Variants in EXOC4 observed in about 807,000 individuals in gnomAD.
The protein encoded by EXOC4 is exocyst complex component 4, also known as SEC8-like 1.
A neutral mutation model predicts 107.2 loss-of-function variants in EXOC4; 71 were observed. The ratio of observed to expected loss-of-function variants is 0.66; its 90% CI spans 0.55 to 0.81. The LOEUF is 0.81. Ranked by LOEUF, EXOC4 falls within the 30% of genes least tolerant of loss-of-function variation. The pLI, the probability that EXOC4 is intolerant of heterozygous loss-of-function variation, is 0.00. For synonymous variants in EXOC4, 456 were observed against 441.2 expected (o/e 1.03, Z -0.42); for missense variants, 1,108 against 1,189.6 (o/e 0.93, Z 1.01).
chr7:133,329,639 ATTTC>A (rs372485452), intron 5 of EXOC4, among the ~76,000 whole-genome samples: 106 of 152,084 alleles, frequency 7.0e-4, no homozygotes, highest in Middle Eastern at 3.4e-3. Context: ...TGTTGATACT[ATTTC>A]TTTCTATGTG....
chr7:133,538,827 T>C (rs111800686), intron 9 of EXOC4, among the ~76,000 whole-genome samples: 2 of 133,406 alleles, frequency 1.5e-5, no homozygotes, highest in Admixed American at 8.4e-5. Context: ...CAAGACCCTG[T>C]GTCTTGAAAG....
At chr7:133,857,187 T>A (rs1278881884) in intron 11 of EXOC4, among the ~76,000 whole-genome samples, 1 of 33,864 alleles carries the variant, frequency 3.0e-5, no homozygotes, top group African/African-American at 1.3e-4. Flanking sequence ...TATATATATA[T>A]ATATATATAT....
chr7:133,358,926 TC>T (rs1796081753), intron 6 of EXOC4, among the ~76,000 whole-genome samples: 1 of 152,324 alleles, frequency 6.6e-6, no homozygotes, highest in East Asian at 1.9e-4. Context: ...AGGATTTTTT[TC>T]CCTGTTAAGT....
chr7:133,609,334 A>G (rs1257302390), intron 9 of EXOC4, among the ~76,000 whole-genome samples: 1 of 152,180 alleles, frequency 6.6e-6, no homozygotes, highest in Non-Finnish European at 1.5e-5. Flanking sequence ...CCAGGTCTTG[A>G]TTCAGATGTT....
chr7:134,048,411 A>G (rs560695971), intron 17 of EXOC4, among the ~76,000 whole-genome samples: 4 of 152,332 alleles, frequency 2.6e-5, no homozygotes, highest in Admixed American at 2.6e-4. Context: ...TCTCAAAGTT[A>G]GTTCAGCATA....
At chr7:133,745,998 G>A (rs552462271) in intron 10 of EXOC4, among the ~76,000 whole-genome samples, 1 of 152,022 alleles carries the variant, frequency 6.6e-6, no homozygotes, top group Admixed American at 6.6e-5. Flanking sequence ...TTTTAAAAAG[G>A]CTATTTTTAA....
the EXOC4 span, among the ~76,000 whole-genome samples, chr7:134,075,915 C>T: frequency 6.6e-6 from 1 of 152,206 alleles, no homozygotes; most frequent in Admixed American, 6.5e-5. Context: ...AGAGCCCCAG[C>T]TGACCTGCAG....
chr7:133,816,967 G>A (rs12111749), intron 10 of EXOC4, among the ~76,000 whole-genome samples: 17,550 of 152,114 alleles, frequency 0.12, 1,118 homozygotes, highest in Middle Eastern at 0.15. Context: ...GGTTTCGGTG[G>A]GAAATATGTA....
At chr7:133,882,829 T>C (rs1244325176) in intron 11 of EXOC4, among the ~76,000 whole-genome samples, 2 of 152,146 alleles carry the variant, frequency 1.3e-5, no homozygotes, top group East Asian at 3.9e-4. Context: ...GCCATGTCAT[T>C]AAGGGCCTTA....
At chr7:133,833,880 A>G (rs932703808) in intron 11 of EXOC4, among the ~76,000 whole-genome samples, 1 of 152,132 alleles carries the variant, frequency 6.6e-6, no homozygotes, top group Admixed American at 6.5e-5. Context: ...ACAACTTTCA[A>G]TATTAGGTGG....
Position 133,475,475 on chromosome 7 carries a change from T to G in EXOC4, c.1328+2T>G. Reference sequence around the variant, plus strand: ...AAGGCCAAAAAATTCTCTTTTCAAGTAAGTATTATTCTGCTGTTAATAGGT... The same window carrying G: ...AAGGCCAAAAAATTCTCTTTTCAAGGAAGTATTATTCTGCTGTTAATAGGT... On this transcript the variant is annotated splice_donor_variant, in intron 8 of 17. Transcript: ENST00000253861. LOFTEE classifies it high-confidence loss of function. 1.2e-6 allele frequency: 2 copies of G among 1,613,680 alleles called. No individual in the cohort carries two copies. Among genetic ancestry groups the G allele is most frequent in the Non-Finnish European group, 1.7e-6 (2 of 1,179,684 alleles).
chr7:133,279,527 C>T (rs866792427), intron 2 of EXOC4, among the ~76,000 whole-genome samples: 1 of 152,172 alleles, frequency 6.6e-6, no homozygotes, highest in Non-Finnish European at 1.5e-5. Flanking sequence ...ACTGTTTATG[C>T]TTGCCATTTG....
At chr7:133,807,900 C>G (rs964379287) in intron 10 of EXOC4, among the ~76,000 whole-genome samples, 9 of 152,174 alleles carry the variant, frequency 5.9e-5, no homozygotes, top group African/African-American at 2.2e-4. Flanking sequence ...ACTGTAGTCA[C>G]AAATCACTTG....
intron 17 of EXOC4, among the ~76,000 whole-genome samples, chr7:134,040,135 T>C (rs1795480846): frequency 6.6e-6 from 1 of 152,232 alleles, no homozygotes; most frequent in Admixed American, 6.5e-5. Context: ...CTGATGTTCA[T>C]GTCTCTTGGT....
At chr7:133,585,389 G>T (rs187523215) in intron 9 of EXOC4, among the ~76,000 whole-genome samples, 8 of 152,306 alleles carry the variant, frequency 5.3e-5, no homozygotes, top group Admixed American at 5.2e-4. Flanking sequence ...TCTCATTCAT[G>T]TATTTATTCA....
At chr7:133,584,610 G>A (rs1193539525) in intron 9 of EXOC4, among the ~76,000 whole-genome samples, 4 of 107,482 alleles carry the variant, frequency 3.7e-5, no homozygotes, top group Non-Finnish European at 5.1e-5. Context: ...ACAGAGTCTC[G>A]CTCTGTTGCC....
intron 14 of EXOC4, among the ~76,000 whole-genome samples, chr7:133,983,977 T>G (rs941496822): frequency 2.6e-5 from 4 of 152,118 alleles, no homozygotes; most frequent in African/African-American, 9.7e-5. Context: ...TTACCAAGCC[T>G]TAGGGAGGAT....
At chr7:133,784,166 AT>A (rs930222424) in intron 10 of EXOC4, among the ~76,000 whole-genome samples, 3 of 151,270 alleles carry the variant, frequency 2.0e-5, no homozygotes, top group South Asian at 4.2e-4. Context: ...CTTTGCTCAT[AT>A]TTTTTTTTCT....
chr7:133,929,976 A>G (rs1200024129), intron 13 of EXOC4, among the ~76,000 whole-genome samples: 1 of 152,244 alleles, frequency 6.6e-6, no homozygotes, highest in Non-Finnish European at 1.5e-5. Context: ...AGAGGAAATC[A>G]TATGGCAATT....
Sources: gnomAD v4.1 joint callset for allele counts (sites outside exome capture counted in the v4.1 genomes callset) on GRCh38, gnomAD v4.1.1 for gene constraint, MANE v1.5 for transcripts, NCBI Gene and HGNC (gene_info 2026-07-23, HGNC 2026-07-21) for gene names.